PLA2G12B: variants seen among roughly 807,000 people sequenced by gnomAD.
The protein encoded by PLA2G12B is group XIIB secretory phospholipase A2-like protein.
A neutral mutation model predicts 22.3 loss-of-function variants in PLA2G12B; 19 were observed. That is an observed-to-expected ratio of 0.85 (90% CI 0.60 to 1.25). The LOEUF is 1.25. Among genes scored for constraint, PLA2G12B ranks in the 50% most tolerant of loss-of-function variants. The probability of loss-of-function intolerance (pLI) is 0.00; values close to 1 mark genes in which losing one functional copy is unlikely to be tolerated. For missense variants in PLA2G12B, 191 were observed against 246.6 expected, an observed-to-expected ratio of 0.77 and a Z score of 1.51; for synonymous variants, 81 against 94.9, an observed-to-expected ratio of 0.85 and a Z score of 0.85.
At chr10:72,939,559 G>A (rs1187912134) in intron 3 of PLA2G12B, among the ~76,000 whole-genome samples, 2 of 152,104 alleles carry the variant, frequency 1.3e-5, no homozygotes, top group African/African-American at 4.8e-5. Context: ...GCCCATTGAG[G>A]CCTATAAGAA....
intron 1 of PLA2G12B, among the ~76,000 whole-genome samples, chr10:72,953,200 G>GCATAGATGGTTAAAA (rs887195636): frequency 6.6e-6 from 1 of 152,212 alleles, no homozygotes; most frequent in Non-Finnish European, 1.5e-5. Flanking sequence ...AGAAGCTGCA[G>GCATAGATGGTTAAAA]CATAGATGGT....
chr10:72,953,838 C>T (rs978408045), intron 1 of PLA2G12B, among the ~76,000 whole-genome samples: 1 of 152,216 alleles, frequency 6.6e-6, no homozygotes, highest in African/African-American at 2.4e-5. Flanking sequence ...TGGTGAGCCA[C>T]GAACCCTTCC....
chr10:72,937,042 T>G (rs1233136489), intron 3 of PLA2G12B, among the ~76,000 whole-genome samples: 1 of 152,048 alleles, frequency 6.6e-6, no homozygotes, highest in Non-Finnish European at 1.5e-5. Flanking sequence ...AAACCTTGTC[T>G]CTACTAAAAA....
In PLA2G12B at chr10:72,941,187, A is replaced by T. The variant is rs770456673; in HGVS notation, c.448T>A (p.Phe150Ile). Reference protein sequence around the residue: ...ICSDLKRSLGFVSKVEAACDS... With the variant: ...ICSDLKRSLGIVSKVEAACDS... ...CACCTACCTTCCACTTTGGAGACAAAGCCCAGACTCCGCTTAAGGTCAGAG... is the reference window on the plus strand; with the variant it reads ...CACCTACCTTCCACTTTGGAGACAATGCCCAGACTCCGCTTAAGGTCAGAG... The change falls in exon 3 of 4, where the codon TTT (phenylalanine) becomes ATT (isoleucine). Residue 150 changes from phenylalanine to isoleucine, a missense_variant. Coordinates refer to ENST00000373032, the MANE Select transcript of PLA2G12B (RefSeq NM_032562.5). The T allele has an allele frequency of 6.2e-7, 1 of 1,614,036 alleles. No homozygotes were observed. The highest frequency in any genetic ancestry group is 8.5e-7 in the Non-Finnish European group (1 of 1,179,972).
At chr10:72,952,862 C>T (rs1383263224) in intron 1 of PLA2G12B, among the ~76,000 whole-genome samples, 2 of 152,168 alleles carry the variant, frequency 1.3e-5, no homozygotes, top group Non-Finnish European at 2.9e-5. Context: ...GGCTCCGCAA[C>T]TAAAATTTGC....
intron 3 of PLA2G12B, among the ~76,000 whole-genome samples, chr10:72,940,958 G>A (rs1846350406): frequency 2.6e-5 from 4 of 152,146 alleles, no homozygotes; most frequent in Admixed American, 2.6e-4. Flanking sequence ...TTCAGGAGTG[G>A]TGCCAGCAGC....
intron 1 of PLA2G12B, among the ~76,000 whole-genome samples, chr10:72,947,779 G>A (rs1220704691): frequency 4.6e-5 from 7 of 152,096 alleles, no homozygotes; most frequent in Non-Finnish European, 1.0e-4. Context: ...TATTCCTCAC[G>A]GTGCTGAAGG....
chr10:72,944,737 T>A (rs1846413975), intron 1 of PLA2G12B, among the ~76,000 whole-genome samples: 1 of 152,200 alleles, frequency 6.6e-6, no homozygotes. Context: ...ATGCCTCTGG[T>A]ATAGTAAATC....
At chr10:72,940,481 C>T (rs1589538764) in intron 3 of PLA2G12B, among the ~76,000 whole-genome samples, 1 of 145,664 alleles carries the variant, frequency 6.9e-6, no homozygotes, top group African/African-American at 2.8e-5. Flanking sequence ...GAGGCTGAGG[C>T]GGGCAACATG....
At chr10:72,951,933 C>T (rs1846538035) in intron 1 of PLA2G12B, among the ~76,000 whole-genome samples, 2 of 152,186 alleles carry the variant, frequency 1.3e-5, no homozygotes, top group Non-Finnish European at 2.9e-5. Context: ...CATGGGCTAC[C>T]AGGATACATA....
At position 72,934,937 on chromosome 10, in the gene PLA2G12B, G is replaced by A. The variant is rs977482662; in HGVS notation, c.*680C>T. 1.6e-4 allele frequency among the ~76,000 whole-genome samples: 24 copies of A among 152,102 alleles called. No homozygotes were observed. The highest frequency in any genetic ancestry group is 3.4e-4 in the Non-Finnish European group (23 of 68,012). On this transcript the variant is annotated 3_prime_UTR_variant, in exon 4 of 4. Coordinates refer to ENST00000373032, the MANE Select transcript of PLA2G12B (RefSeq NM_032562.5). ...ATGACTCTAACACCATTTAGTAACT[G>A]GGAATACCAATGGGGTAGGTCACCG... is the stretch of plus-strand genomic sequence containing the variant.
rs557296233 is a variant in PLA2G12B, at chr10:72,935,298, A to G, written c.*319T>C. The G allele has an allele frequency of 1.0e-4, 22 of 212,776 alleles. No individual in the cohort carries two copies. The highest frequency in any genetic ancestry group is 1.7e-3 in the Middle Eastern group (1 of 580). 13.2% of individuals were successfully genotyped at this position (212,776 alleles called of 1,614,324 possible). A position where few individuals can be genotyped will look rare whatever the true frequency, so the allele number is the denominator to read the frequency against. On this transcript the variant is annotated 3_prime_UTR_variant, in exon 4 of 4. Transcript: ENST00000373032. ...ACTCCCCACAATTTCACTCATGAAT[A>G]TAACTATCAGGTCCAGGAATTGCAG...
intron 1 of PLA2G12B, among the ~76,000 whole-genome samples, chr10:72,952,233 C>T (rs759130224): frequency 9.2e-5 from 14 of 152,244 alleles, no homozygotes; most frequent in Non-Finnish European, 1.8e-4. Context: ...TGGCTCACGC[C>T]TATAATCCCA....
chr10:72,936,317 T>C (rs2132959217), intron 3 of PLA2G12B, among the ~76,000 whole-genome samples: 1 of 152,084 alleles, frequency 6.6e-6, no homozygotes, highest in South Asian at 2.1e-4. Flanking sequence ...AACCTCAAGG[T>C]GGTATGGAAG....
intron 1 of PLA2G12B, among the ~76,000 whole-genome samples, chr10:72,950,726 G>A (rs7904738): frequency 2.0e-5 from 3 of 151,898 alleles, no homozygotes; most frequent in South Asian, 2.1e-4. Flanking sequence ...ATGATCCGCC[G>A]GCCTCAGCCT....
chr10:72,954,402 A>G, intron 1 of PLA2G12B, 73 bp downstream of exon 1: 1 of 1,587,844 alleles, frequency 6.3e-7, no homozygotes, highest in Non-Finnish European at 8.6e-7. Flanking sequence ...TGCAAGACAG[A>G]TCGTGACCTC....
chr10:72,952,190 G>C (rs75494513), intron 1 of PLA2G12B, among the ~76,000 whole-genome samples: 2,689 of 152,324 alleles, frequency 0.018, 75 homozygotes, highest in African/African-American at 0.056. Flanking sequence ...ATAGTAGTTA[G>C]TACCTATCAA....
chr10:72,949,968 C>G (rs906337201), intron 1 of PLA2G12B, among the ~76,000 whole-genome samples: 3 of 150,936 alleles, frequency 2.0e-5, no homozygotes, highest in South Asian at 2.1e-4. Flanking sequence ...CAGAGGGAGA[C>G]TCCGTCTCAA....
rs1449480065 is a variant in PLA2G12B, at chr10:72,950,291, T to A, written c.211+4184A>T. ...GAGGTCAGTTGCCCAAAAACAAGAA[T>A]AATCTGTTTGCCTCTAAGCCAGTGG... On this transcript the variant is annotated intron_variant, in intron 1 of 3. Coordinates refer to ENST00000373032, the MANE Select transcript of PLA2G12B (RefSeq NM_032562.5). 2.0e-5 allele frequency among the ~76,000 whole-genome samples: 3 copies of A among 152,136 alleles called. No individual in the cohort carries two copies. In the East Asian group the frequency reaches 5.8e-4, roughly 29 times the overall value.
Sources: gnomAD v4.1 joint callset for allele counts (sites outside exome capture counted in the v4.1 genomes callset) on GRCh38, gnomAD v4.1.1 for gene constraint, MANE v1.5 for transcripts, NCBI Gene and HGNC (gene_info 2026-07-23, HGNC 2026-07-21) for gene names.